The following CUX1 variants were observed in gnomAD, a reference collection of about 807,000 sequenced individuals.
The protein encoded by CUX1 is cut like homeobox 1, also known as protein CASP.
CUX1 carries 31 observed loss-of-function variants against 158.8 expected under a neutral mutation model. The ratio of observed to expected loss-of-function variants is 0.20; its 90% CI spans 0.15 to 0.26. CUX1 has a LOEUF of 0.26. Ranked by LOEUF, CUX1 falls within the 10% of genes least tolerant of loss-of-function variation. CUX1 has a pLI of 1.00. For synonymous variants in CUX1, 879 were observed against 862.1 expected, an observed-to-expected ratio of 1.02 and a Z score of -0.34; for missense variants, 1,589 against 2,014.6, an observed-to-expected ratio of 0.79 and a Z score of 4.04.
intron 1 of CUX1, among the ~76,000 whole-genome samples, chr7:101,852,360 G>GT (rs1796350124): frequency 1.3e-5 from 2 of 151,970 alleles, no homozygotes; most frequent in Admixed American, 1.3e-4. Flanking sequence ...GCTCATGCCT[G>GT]TAATCCCAGC....
At position 102,256,559 on chromosome 7, in the gene CUX1, A is replaced by G; in HGVS notation, c.*7517A>G. 1.0e-6 allele frequency: 1 copy of G among 985,414 alleles called. No homozygotes were observed. Among genetic ancestry groups the G allele is most frequent in the Non-Finnish European group, 1.2e-6 (1 of 829,930 alleles). The allele number at this position is 985,414 out of a possible 1,614,324, so 61.0% of individuals were successfully genotyped here. Reference sequence around the variant, plus strand: ...TCAAACACCTGTCTCCAGAGTAGCCACTCAAAAACTGGTGGTCTCTATGTG... The same window carrying G: ...TCAAACACCTGTCTCCAGAGTAGCCGCTCAAAAACTGGTGGTCTCTATGTG... On this transcript the variant is annotated 3_prime_UTR_variant, in exon 24 of 24. Coordinates refer to ENST00000292535, the MANE Select transcript of CUX1 (RefSeq NM_181552.4).
At chr7:101,841,016 C>G (rs1304546512) in intron 1 of CUX1, among the ~76,000 whole-genome samples, 1 of 152,020 alleles carries the variant, frequency 6.6e-6, no homozygotes, top group African/African-American at 2.4e-5. Context: ...GCCTTAGCCT[C>G]TCGAGTAGCT....
chr7:102,057,811 T>G (rs1354740848), intron 3 of CUX1, among the ~76,000 whole-genome samples: 1 of 152,202 alleles, frequency 6.6e-6, no homozygotes, highest in Non-Finnish European at 1.5e-5. Context: ...ATTTAGAATA[T>G]TCCATAAACT....
chr7:102,009,060 G>C (rs1351979510), intron 2 of CUX1, among the ~76,000 whole-genome samples: 5 of 152,168 alleles, frequency 3.3e-5, no homozygotes, highest in African/African-American at 7.2e-5. Flanking sequence ...TCAGAGGCTC[G>C]GCCTGCCAGC....
intron 1 of CUX1, among the ~76,000 whole-genome samples, chr7:101,897,220 G>A (rs552049922): frequency 5.3e-5 from 8 of 152,326 alleles, no homozygotes; most frequent in African/African-American, 1.7e-4. Context: ...AGAGTTTTAC[G>A]TCATTTGCTA....
intron 1 of CUX1, among the ~76,000 whole-genome samples, chr7:101,902,744 A>G (rs1404435627): frequency 6.6e-6 from 1 of 152,174 alleles, no homozygotes; most frequent in Non-Finnish European, 1.5e-5. Flanking sequence ...CGAGCTGGGC[A>G]GAGGAATTAA....
At chr7:101,960,493 G>A (rs1188669631) in intron 2 of CUX1, 1 of 152,108 alleles carries the variant, frequency 6.6e-6, no homozygotes, top group East Asian at 1.9e-4. Flanking sequence ...AAATTAGCTG[G>A]GCATGGTGGC....
rs35391223 is a variant in CUX1, at chr7:102,257,306, C to CTT, written c.*8274_*8275dup. ...CAATGGTCCCCATCTCCCCAGAAGC[C>CTT]TTTTTTTTTTTCATTTTTCTCTAAT... On this transcript the variant is annotated 3_prime_UTR_variant, in exon 24 of 24. Coordinates refer to ENST00000292535, the MANE Select transcript of CUX1 (RefSeq NM_181552.4). The CTT allele has an allele frequency of 6.4e-4, 528 of 830,882 alleles. No individual in the cohort carries two copies. Among genetic ancestry groups the CTT allele is most frequent in the Non-Finnish European group, 7.0e-4 (482 of 693,056 alleles). The allele number at this position is 830,882 out of a possible 1,614,324, so 51.5% of individuals were successfully genotyped here.
At chr7:102,276,706 A>G (rs1554547826) in intron 17 of CUX1, among the ~76,000 whole-genome samples, 1 of 152,220 alleles carries the variant, frequency 6.6e-6, no homozygotes, top group Non-Finnish European at 1.5e-5. Context: ...CAAATATTAA[A>G]ACCACAGCGT....
chr7:102,068,854 G>T (rs539651709), intron 3 of CUX1, among the ~76,000 whole-genome samples: 1 of 152,308 alleles, frequency 6.6e-6, no homozygotes, highest in South Asian at 2.1e-4. Flanking sequence ...AAGTGTGTAG[G>T]TAAGCTAAAT....
At chr7:101,978,185 T>G (rs1812960272) in intron 2 of CUX1, among the ~76,000 whole-genome samples, 1 of 152,090 alleles carries the variant, frequency 6.6e-6, no homozygotes, top group South Asian at 2.1e-4. Context: ...GCGTCTATAT[T>G]TATATTAACC....
intron 8 of CUX1, among the ~76,000 whole-genome samples, chr7:102,117,033 G>A (rs893236918): frequency 9.9e-5 from 15 of 152,196 alleles, no homozygotes; most frequent in Non-Finnish European, 1.5e-5. Flanking sequence ...CAAGGGGACA[G>A]GGCGCTGACG....
At chr7:102,268,733 G>A (rs1649634365) in intron 14 of CUX1, among the ~76,000 whole-genome samples, 1 of 152,108 alleles carries the variant, frequency 6.6e-6, no homozygotes, top group African/African-American at 2.4e-5. Context: ...GGCGTTGGAG[G>A]CTTTACTCAT....
intron 1 of CUX1, among the ~76,000 whole-genome samples, chr7:101,879,292 C>T (rs1449540555): frequency 6.6e-6 from 1 of 151,956 alleles, no homozygotes; most frequent in African/African-American, 2.4e-5. Context: ...TCCCCTGTCC[C>T]CCCTTCACAT....
chr7:102,258,372 C>G (rs1734729), downstream of CUX1: 1 of 162,304 alleles, frequency 6.2e-6, no homozygotes, highest in East Asian at 1.9e-4. Context: ...GGTCCTCGGG[C>G]GTGTGGCTTC....
intron 4 of CUX1, among the ~76,000 whole-genome samples, chr7:102,090,899 C>A (rs544322580): frequency 6.6e-6 from 1 of 152,024 alleles, no homozygotes; most frequent in Non-Finnish European, 1.5e-5. Context: ...TTAGTATGCC[C>A]AATTTATGCA....
intron 9 of CUX1, among the ~76,000 whole-genome samples, chr7:102,166,301 AAG>A (rs1248945727): frequency 1.3e-5 from 2 of 152,202 alleles, no homozygotes; most frequent in East Asian, 3.9e-4. Flanking sequence ...ATAGACAAGA[AAG>A]AGCAAGAAAG....
At chr7:101,899,980 G>A (rs1315027639) in intron 1 of CUX1, among the ~76,000 whole-genome samples, 1 of 152,188 alleles carries the variant, frequency 6.6e-6, no homozygotes, top group Admixed American at 6.5e-5. Context: ...TGCGAGTTTA[G>A]GTGGTTAGCA....
chr7:102,195,651 G>A, intron 14 of CUX1, 48 bp downstream of exon 14: 1 of 1,521,480 alleles, frequency 6.6e-7, no homozygotes, highest in Non-Finnish European at 8.9e-7. Flanking sequence ...TTCGCTTCCA[G>A]GGGTCGGTCG....
Sources: gnomAD v4.1 joint callset for allele counts (sites outside exome capture counted in the v4.1 genomes callset) on GRCh38, gnomAD v4.1.1 for gene constraint, MANE v1.5 for transcripts, NCBI Gene and HGNC (gene_info 2026-07-23, HGNC 2026-07-21) for gene names.